Variants in MCOLN2 observed in about 807,000 individuals in gnomAD.
MCOLN2 encodes the protein mucolipin TRP cation channel 2.
A neutral mutation model predicts 67.5 loss-of-function variants in MCOLN2; 57 were observed. The ratio of observed to expected loss-of-function variants is 0.84; its 90% confidence interval spans 0.68 to 1.05. The LOEUF (loss-of-function observed/expected upper bound fraction) is 1.05. Among genes scored for constraint, MCOLN2 ranks in the 50% least tolerant of loss-of-function variants. The pLI is 0.00. For missense variants in MCOLN2, 620 were observed against 678.8 expected (o/e 0.91, Z 0.96); for synonymous variants, 246 against 233.3 (o/e 1.05, Z -0.50).
intron 1 of MCOLN2, among the ~76,000 whole-genome samples, chr1:84,993,179 G>A (rs7516329): frequency 6.6e-6 from 1 of 151,908 alleles, no homozygotes; most frequent in Non-Finnish European, 1.5e-5. Flanking sequence ...AACCACTTTC[G>A]TTGCTCATCC....
chr1:84,931,510 A>G lies in MCOLN2; in HGVS notation c.1394T>C (p.Met465Thr), dbSNP rs1425342656. Reference protein sequence around the residue: ...CLFSLVNGDDMFATFAQIQQK... With the variant: ...CLFSLVNGDDTFATFAQIQQK... ...CTGGATTTGGGCAAAGGTTGCAAACATGTCATCACCGTTGACCAGAGAAAA... is the reference window on the plus strand; with the variant it reads ...CTGGATTTGGGCAAAGGTTGCAAACGTGTCATCACCGTTGACCAGAGAAAA... The change falls in exon 12 of 14, where the codon ATG (methionine) becomes ACG (threonine). Residue 465 changes from methionine (M) to threonine (T), a missense_variant. Met to Thr is a moderately conservative substitution (Grantham distance 81, BLOSUM62 -1). Coordinates refer to ENST00000370608, the MANE Select transcript of MCOLN2 (RefSeq NM_153259.4). The G allele has an allele frequency of 2.5e-6, 4 of 1,614,000 alleles. No individual in the cohort carries two copies. The South Asian group carries it at 3.3e-5, about 13-fold the overall frequency.
intron 1 of MCOLN2, among the ~76,000 whole-genome samples, chr1:84,976,350 T>C (rs1318517615): frequency 1.3e-5 from 2 of 152,182 alleles, no homozygotes; most frequent in African/African-American, 2.4e-5. Context: ...GACTTTTCAG[T>C]GGAAACCTTA....
intron 1 of MCOLN2, among the ~76,000 whole-genome samples, chr1:84,989,927 G>A (rs2102891671): frequency 6.6e-6 from 1 of 152,216 alleles, no homozygotes; most frequent in Non-Finnish European, 1.5e-5. Flanking sequence ...TATTTATGAG[G>A]AATGATTTTC....
At chr1:84,990,251 T>C (rs889092247) in intron 1 of MCOLN2, among the ~76,000 whole-genome samples, 2 of 123,436 alleles carry the variant, frequency 1.6e-5, no homozygotes, top group African/African-American at 6.4e-5. Context: ...TGAGCTGAGA[T>C]CGCGCCACTG....
Position 84,970,528 on chromosome 1 carries a change from A to T in MCOLN2, c.78-4820T>A, listed in dbSNP as rs147734270. 3.2e-3 allele frequency among the ~76,000 whole-genome samples: 488 copies of T among 151,826 alleles called. 2 individuals carry two copies. Among genetic ancestry groups the T allele is most frequent in the Middle Eastern group, 0.017 (5 of 290 alleles). ...CTACTAAAAATACAAAAAAAAAAAA[A>T]AAATAACAGGCATGTGTGGTGGCAC... On this transcript the variant is annotated intron_variant, in intron 1 of 13. Transcript: ENST00000370608.
At chr1:84,933,709 C>T (rs933041582) in intron 11 of MCOLN2, among the ~76,000 whole-genome samples, 15 of 152,214 alleles carry the variant, frequency 9.9e-5, no homozygotes, top group Non-Finnish European at 1.3e-4. Flanking sequence ...GAACCCCTAA[C>T]TCCAAGCACA....
intron 8 of MCOLN2, among the ~76,000 whole-genome samples, chr1:84,940,309 C>T (rs1647686310): frequency 1.3e-5 from 2 of 152,148 alleles, no homozygotes; most frequent in Admixed American, 1.3e-4. Flanking sequence ...TTCCAATTTC[C>T]CCTGACCCCA....
chr1:84,967,985 G>A (rs1649469231), intron 1 of MCOLN2, among the ~76,000 whole-genome samples: 1 of 152,208 alleles, frequency 6.6e-6, no homozygotes, highest in African/African-American at 2.4e-5. Context: ...GAGTTAAGGA[G>A]AGCAAGAACT....
chr1:84,971,003 G>A (rs1295469826), intron 1 of MCOLN2, among the ~76,000 whole-genome samples: 2 of 152,182 alleles, frequency 1.3e-5, no homozygotes, highest in Non-Finnish European at 2.9e-5. Context: ...AAAGAAAAAG[G>A]TCAAAGTAGC....
chr1:84,983,834 G>A (rs1176262735), intron 1 of MCOLN2, among the ~76,000 whole-genome samples: 1 of 151,302 alleles, frequency 6.6e-6, no homozygotes, highest in African/African-American at 2.4e-5. Context: ...ACGCCTCCAC[G>A]CTCAGCTAAT....
At chr1:84,952,729 C>T (rs1265396582) in intron 4 of MCOLN2, among the ~76,000 whole-genome samples, 199 bp from the exon 5 acceptor site, 2 of 152,182 alleles carry the variant, frequency 1.3e-5, no homozygotes, top group African/African-American at 2.4e-5. Context: ...ACCACACTAA[C>T]CAAGTGATCA....
intron 1 of MCOLN2, 96 bp downstream of exon 1, chr1:84,996,700 G>A: frequency 2.7e-6 from 3 of 1,093,870 alleles, no homozygotes; most frequent in East Asian, 2.4e-5. Context: ...CATTCCCAAG[G>A]CAGCAAGCAA....
At chr1:84,961,213 T>A (rs931431716) in intron 2 of MCOLN2, among the ~76,000 whole-genome samples, 4 of 152,024 alleles carry the variant, frequency 2.6e-5, no homozygotes, top group African/African-American at 9.7e-5. Flanking sequence ...GATTCTAGAG[T>A]CTGTTTGTTC....
At chr1:84,957,550 C>T (rs1648860642) in intron 3 of MCOLN2, among the ~76,000 whole-genome samples, 1 of 152,128 alleles carries the variant, frequency 6.6e-6, no homozygotes, top group East Asian at 1.9e-4. Context: ...CAATCCTCAC[C>T]TTGCCATGTC....
chr1:84,973,634 C>T (rs1265713947), intron 1 of MCOLN2, among the ~76,000 whole-genome samples: 2 of 152,114 alleles, frequency 1.3e-5, no homozygotes, highest in African/African-American at 4.8e-5. Context: ...TATGTGGGCC[C>T]ACTTAAGCAT....
chr1:84,960,488 G>A (rs774847977), intron 2 of MCOLN2, among the ~76,000 whole-genome samples: 4 of 152,186 alleles, frequency 2.6e-5, no homozygotes, highest in Admixed American at 6.5e-5. Context: ...GTACACAGAT[G>A]CTACTGTTCA....
At chr1:84,974,628 G>A (rs1649906554) in intron 1 of MCOLN2, among the ~76,000 whole-genome samples, 4 of 152,040 alleles carry the variant, frequency 2.6e-5, no homozygotes, top group Admixed American at 2.6e-4. Context: ...TGAATAATCA[G>A]CAGCGATACC....
intron 2 of MCOLN2, among the ~76,000 whole-genome samples, chr1:84,965,206 CAA>C (rs1038215154): frequency 6.6e-6 from 1 of 151,934 alleles, no homozygotes; most frequent in African/African-American, 2.4e-5. Context: ...AGTCTGAAGA[CAA>C]AAAAATGCAG....
chr1:84,996,205 G>A (rs1359771754), intron 1 of MCOLN2, among the ~76,000 whole-genome samples: 1 of 151,958 alleles, frequency 6.6e-6, no homozygotes, highest in South Asian at 2.1e-4. Flanking sequence ...CATTTCTGGG[G>A]AGAACTACGT....
Sources: gnomAD v4.1 joint callset for allele counts (sites outside exome capture counted in the v4.1 genomes callset) on GRCh38, gnomAD v4.1.1 for gene constraint, MANE v1.5 for transcripts, NCBI Gene and HGNC (gene_info 2026-07-23, HGNC 2026-07-21) for gene names.